The following LRSAM1 variants were observed in gnomAD, a reference collection of about 807,000 sequenced individuals.
LRSAM1 encodes the protein E3 ubiquitin-protein ligase LRSAM1.
In LRSAM1, 96 loss-of-function variants were observed where a neutral mutation model predicts 118.1. The observed-to-expected ratio is 0.81, with a 90% CI of 0.69 to 0.96. LRSAM1 has a LOEUF of 0.96. Ranked by LOEUF, LRSAM1 falls within the 40% of genes least tolerant of loss-of-function variation. LRSAM1 has a pLI of 0.00. For missense variants in LRSAM1, 804 were observed against 915.5 expected (o/e 0.88, Z 1.57); for synonymous variants, 322 against 364.2 (o/e 0.88, Z 1.32).
rs1345645228 is a variant in LRSAM1, at chr9:127,489,515, C to A, written c.1419C>A (p.Ser473Arg). The A allele has an allele frequency of 8.7e-6, 14 of 1,607,120 alleles. No homozygotes were observed. The highest frequency in any genetic ancestry group is 1.3e-5 in the African/African-American group (1 of 74,806). The change falls in exon 19 of 26, where the codon AGC becomes AGA. Residue 473 changes from serine (S) to arginine (R), a missense_variant. Transcript: ENST00000300417. ...ACCTGATGCATCGGCAGATCAGGAGCCAGGTGAGCGCTGGGGCTGGGGTCC... is the reference window on the plus strand; with the variant it reads ...ACCTGATGCATCGGCAGATCAGGAGACAGGTGAGCGCTGGGGCTGGGGTCC... ...KKDLMHRQIR[S>R]QIKLIETELL...
Position 127,489,426 on chromosome 9 carries a change from T to C in LRSAM1, c.1348-18T>C. 6.2e-7 allele frequency: 1 copy of C among 1,601,058 alleles called. No individual in the cohort carries two copies. The highest frequency in any genetic ancestry group is 1.1e-5 in the South Asian group (1 of 88,338). On this transcript the variant is annotated intron_variant, in intron 18 of 25. Transcript: ENST00000300417. ...TGTGGGCACGGCCCCTGCTGAGGGC[T>C]GGTGGTCTGTGTTGCAGAGCGCGAT...
chr9:127,500,442 C>T (rs1317431205), intron 24 of LRSAM1, among the ~76,000 whole-genome samples: 2 of 151,814 alleles, frequency 1.3e-5, no homozygotes, highest in East Asian at 3.9e-4. Flanking sequence ...CAGGGCAGAG[C>T]AGCCAGCATG....
In LRSAM1 at chr9:127,485,826, C is replaced by T; in HGVS notation, c.1250C>T (p.Ala417Val). ...CAGAGGCAGAACTTGGTCCAGCAGG[C>T]CTGTTCCAGGTAAGGTAAGGAAGAG... ...ESQRQNLVQQ[A>V]CSSMAEMDER... is the part of the protein sequence containing the mutation. Residue 417 changes from alanine to valine, a missense_variant, in exon 17 of 26, where the codon GCC becomes GTC. By Grantham distance (64) the Ala-to-Val change is moderately conservative (BLOSUM62 0). Coordinates refer to ENST00000300417, the MANE Select transcript of LRSAM1 (RefSeq NM_001005373.4). The T allele has an allele frequency of 1.2e-6, 2 of 1,614,112 alleles. No homozygotes were observed. Among genetic ancestry groups the T allele is most frequent in the Non-Finnish European group, 1.7e-6 (2 of 1,180,004 alleles).
Position 127,500,842 on chromosome 9 carries a change from GAAGAA to G in LRSAM1, c.1913-167_1913-163del, listed in dbSNP as rs202170304. Among the ~76,000 whole-genome samples the G allele has an allele frequency of 7.5e-3, 1,148 of 152,084 alleles. 4 individuals carry two copies. The highest frequency in any genetic ancestry group is 0.012 in the Non-Finnish European group (800 of 67,844). On this transcript the variant is annotated intron_variant, in intron 24 of 25. Coordinates refer to ENST00000300417, the MANE Select transcript of LRSAM1 (RefSeq NM_001005373.4). ...GATGGGAAATGAGGCTCAGAGAAGAGAAGAAGAGAGTGTGTGGCAAGGAGAGCACT... is the reference window on the plus strand; with the variant it reads ...GATGGGAAATGAGGCTCAGAGAAGAGGAGAGTGTGTGGCAAGGAGAGCACT...
chr9:127,461,576 G>A (rs553011658), intron 8 of LRSAM1, among the ~76,000 whole-genome samples: 1 of 152,354 alleles, frequency 6.6e-6, no homozygotes, highest in East Asian at 1.9e-4. Context: ...CTCCTAAGGA[G>A]CCGCAGTAAG....
chr9:127,487,361 C>T, intron 17 of LRSAM1: 1 of 366,198 alleles, frequency 2.7e-6, no homozygotes, highest in Non-Finnish European at 5.3e-6. Context: ...GAGCTCCCCA[C>T]CCATGGAGGT....
At chr9:127,470,463 G>C (rs72767947) in intron 10 of LRSAM1, among the ~76,000 whole-genome samples, 1 of 151,996 alleles carries the variant, frequency 6.6e-6, no homozygotes, top group Non-Finnish European at 1.5e-5. Context: ...CCCCCAACAC[G>C]TGGGGATTAC....
In LRSAM1 at chr9:127,482,990, A is replaced by T; in HGVS notation, c.1129A>T (p.Thr377Ser). The change falls in exon 16 of 26, where the codon ACT (threonine) becomes TCT (serine). Residue 377 changes from threonine (T) to serine (S), a missense_variant. Transcript: ENST00000300417. ...GTTGATGTCCATAACCCAGGAGGAG[A>T]CTGAGAGCCTGCGGCGACGTGACGT... Reference protein sequence around the residue: ...EQLMSITQEETESLRRRDVAS... With the variant: ...EQLMSITQEESESLRRRDVAS... The T allele has an allele frequency of 6.3e-7, 1 of 1,583,572 alleles. No individual in the cohort carries two copies. Among genetic ancestry groups the T allele is most frequent in the Non-Finnish European group, 8.6e-7 (1 of 1,165,006 alleles).
intron 10 of LRSAM1, among the ~76,000 whole-genome samples, chr9:127,469,476 A>G (rs1181204596): frequency 1.7e-4 from 25 of 146,692 alleles, no homozygotes; most frequent in Non-Finnish European, 9.1e-5. Context: ...TCTCAAAAAG[A>G]AAAAAAAAAA....
At chr9:127,496,559 G>T (rs1248592567) in intron 23 of LRSAM1, among the ~76,000 whole-genome samples, 4 of 152,212 alleles carry the variant, frequency 2.6e-5, no homozygotes, top group Non-Finnish European at 5.9e-5. Flanking sequence ...CACGTGCGGG[G>T]CACCATTTTA....
chr9:127,459,107 C>T, intron 7 of LRSAM1, 36 bp downstream of exon 7: 1 of 1,599,348 alleles, frequency 6.3e-7, no homozygotes, highest in Non-Finnish European at 8.6e-7. Flanking sequence ...CCTCGGATGG[C>T]CTTAGTGAGA....
chr9:127,501,189 C>T lies in LRSAM1; in HGVS notation c.2046+46C>T, dbSNP rs376307049. 3.1e-6 allele frequency: 5 copies of T among 1,603,876 alleles called. No individual in the cohort carries two copies. In the African/African-American group the frequency reaches 4.0e-5, roughly 13 times the overall value. ...ACCCGCCTGCCCTGCCTGTGGCCACCCTCCTCAAATTCTGCAGGTACAGGG... is the reference window on the plus strand; with the variant it reads ...ACCCGCCTGCCCTGCCTGTGGCCACTCTCCTCAAATTCTGCAGGTACAGGG... On this transcript the variant is annotated intron_variant, in intron 25 of 25. Coordinates refer to ENST00000300417, the MANE Select transcript of LRSAM1 (RefSeq NM_001005373.4).
At chr9:127,501,578 A>G (rs1836395538) in intron 25 of LRSAM1, among the ~76,000 whole-genome samples, 1 of 152,086 alleles carries the variant, frequency 6.6e-6, no homozygotes, top group East Asian at 1.9e-4. Flanking sequence ...CTAAAAATAC[A>G]AAAATCAGCC....
Position 127,462,285 on chromosome 9 carries a change from G to T in LRSAM1, c.440G>T (p.Gly147Val), listed in dbSNP as rs775848557. Residue 147 changes from glycine (G) to valine (V), a missense_variant, in exon 9 of 26, where the codon GGG becomes GTG. By Grantham distance (109) the Gly-to-Val change is moderately radical. Transcript: ENST00000300417. ...CTGAAGGAGCTTCCAGACACCGTGG[G>T]GGAGCTTCGAAGCCTGCGTACCCTC... is the stretch of plus-strand genomic sequence containing the variant. ...NKLKELPDTV[G>V]ELRSLRTLNI... 9 of 1,614,100 alleles carry T rather than the reference G, an allele frequency of 5.6e-6. No individual in the cohort carries two copies. The South Asian group carries it at 8.8e-5, about 16-fold the overall frequency.
At chr9:127,487,937 G>C (rs1326504921) in intron 18 of LRSAM1, among the ~76,000 whole-genome samples, 174 bp downstream of exon 18, 2 of 151,976 alleles carry the variant, frequency 1.3e-5, no homozygotes, top group African/African-American at 4.8e-5. Context: ...GCTGAGGGGG[G>C]GCCCGGGGGA....
intron 16 of LRSAM1, 120 bp downstream of exon 16, chr9:127,483,140 C>A: frequency 1.1e-6 from 1 of 897,948 alleles, no homozygotes; most frequent in Admixed American, 2.0e-5. Flanking sequence ...TCGAGAGGGG[C>A]AGTCAAGTCC....
chr9:127,502,669 A>C lies in LRSAM1; in HGVS notation c.2047-105A>C, dbSNP rs1389269144. The C allele has an allele frequency of 1.6e-4, 222 of 1,380,552 alleles. 1 individual carries two copies. Among genetic ancestry groups the C allele is most frequent in the Non-Finnish European group, 2.1e-4 (216 of 1,024,072 alleles). The allele number at this position is 1,380,552 out of a possible 1,614,324, so 85.5% of individuals were successfully genotyped here. A position where few individuals can be genotyped will look rare whatever the true frequency, so the allele number is the denominator to read the frequency against. On this transcript the variant is annotated intron_variant, in intron 25 of 25. Transcript: ENST00000300417. ...ACCACTGCACTCCAGCCTGGGCAAC[A>C]GAGTGAGACTCTGTCTCAAAAAAAA...
At chr9:127,457,108 T>A (rs1834546814) in intron 5 of LRSAM1, among the ~76,000 whole-genome samples, 1 of 152,246 alleles carries the variant, frequency 6.6e-6, no homozygotes, top group Non-Finnish European at 1.5e-5. Flanking sequence ...CTCTAAGGTC[T>A]CTTTCACCCT....
In LRSAM1 at chr9:127,465,643, G is replaced by T. The variant is rs983338994; in HGVS notation, c.529-2097G>T. 5.3e-5 allele frequency among the ~76,000 whole-genome samples: 8 copies of T among 152,222 alleles called. No individual in the cohort carries two copies. Among genetic ancestry groups the T allele is most frequent in the Non-Finnish European group, 1.0e-4 (7 of 68,036 alleles). ...CGTTCACTCAACACCCACCGTGTGA[G>T]GGCTGGGCTGGCCAGGGCTGGGGGA... is the stretch of plus-strand genomic sequence containing the variant. On this transcript the variant is annotated intron_variant, in intron 9 of 25. Transcript: ENST00000300417. The surrounding 1 kb of genome is among the most constrained non-coding windows in gnomAD (Gnocchi z 4.1).
Sources: allele counts gnomAD v4.1 joint callset (sites outside exome capture counted in the v4.1 genomes callset), GRCh38; gene constraint gnomAD v4.1.1; non-coding constraint Gnocchi (gnomAD v3.1); transcripts MANE v1.5; gene names NCBI Gene and HGNC (gene_info 2026-07-23, HGNC 2026-07-21).